The following HPSE2 variants were observed in gnomAD, a reference collection of about 807,000 sequenced individuals.
HPSE2 encodes the protein inactive heparanase-2.
Under a neutral mutation model 60.5 loss-of-function variants are expected in HPSE2, and 38 were observed. The ratio of observed to expected loss-of-function variants is 0.63; its 90% CI spans 0.48 to 0.82. The LOEUF is 0.82. Ranked by LOEUF, HPSE2 falls within the 40% of genes least tolerant of loss-of-function variation. The pLI is 0.00. For synonymous variants in HPSE2, 295 were observed against 293.2 expected, an observed-to-expected ratio of 1.01 and a Z score of -0.06; for missense variants, 713 against 740.4, an observed-to-expected ratio of 0.96 and a Z score of 0.43.
intron 6 of HPSE2, among the ~76,000 whole-genome samples, chr10:98,673,679 A>G (rs1463464712): frequency 6.6e-6 from 1 of 152,170 alleles, no homozygotes; most frequent in Non-Finnish European, 1.5e-5. Flanking sequence ...AGTGCATTCA[A>G]GTGGGAGCTG....
intron 9 of HPSE2, among the ~76,000 whole-genome samples, chr10:98,579,909 C>T (rs548629064): frequency 1.1e-4 from 16 of 152,302 alleles, no homozygotes; most frequent in African/African-American, 3.6e-4. Flanking sequence ...GAAAGCCTTC[C>T]TCCTGGAGTC....
At chr10:98,481,955 A>G (rs1433177302) in intron 11 of HPSE2, among the ~76,000 whole-genome samples, 1 of 152,182 alleles carries the variant, frequency 6.6e-6, no homozygotes, top group Non-Finnish European at 1.5e-5. Context: ...CATGTTGTCA[A>G]GTCTCTAATA....
intron 3 of HPSE2, among the ~76,000 whole-genome samples, chr10:99,136,647 T>C (rs1028755335): frequency 6.6e-6 from 1 of 152,154 alleles, no homozygotes; most frequent in Admixed American, 6.5e-5. Context: ...AACCACATGA[T>C]TATCTCAATA....
intron 9 of HPSE2, among the ~76,000 whole-genome samples, chr10:98,505,439 T>C (rs886125433): frequency 6.6e-6 from 1 of 152,190 alleles, no homozygotes; most frequent in Non-Finnish European, 1.5e-5. Flanking sequence ...TATGACACTT[T>C]ACAGGATAAT....
Position 98,622,406 on chromosome 10 carries a change from T to C in HPSE2, c.1099-1698A>G, listed in dbSNP as rs72831948. Among the ~76,000 whole-genome samples, 1,057 of 152,300 alleles carry C rather than the reference T, an allele frequency of 6.9e-3. 8 individuals carry two copies. The highest frequency in any genetic ancestry group is 0.027 in the South Asian group (131 of 4,824). ...AAGACCTTTCATGAACTGATGATAA[T>C]AGTTTGCTGTTAGTTTAGGAGTATT... On this transcript the variant is annotated intron_variant, in intron 7 of 11. Transcript: ENST00000370552.
At chr10:99,081,436 T>A (rs1002569091) in intron 3 of HPSE2, among the ~76,000 whole-genome samples, 1 of 152,144 alleles carries the variant, frequency 6.6e-6, no homozygotes, top group African/African-American at 2.4e-5. Flanking sequence ...AGGTGCCTCA[T>A]CTGCAAAACA....
chr10:99,057,506 C>G (rs761260814), intron 3 of HPSE2, among the ~76,000 whole-genome samples: 3 of 152,248 alleles, frequency 2.0e-5, no homozygotes, highest in Non-Finnish European at 2.9e-5. Context: ...CCTTAACCAC[C>G]GCCCAACAAT....
At chr10:99,016,286 G>A (rs558098229) in intron 3 of HPSE2, among the ~76,000 whole-genome samples, 28 of 152,146 alleles carry the variant, frequency 1.8e-4, no homozygotes, top group Non-Finnish European at 3.5e-4. Context: ...TTATTGAATA[G>A]GGAATCCTTT....
intron 3 of HPSE2, among the ~76,000 whole-genome samples, chr10:98,913,312 TC>T (rs1424862960): frequency 6.6e-6 from 1 of 152,202 alleles, no homozygotes. Context: ...ATGATTAAAG[TC>T]ACTGTTCCTG....
chr10:98,889,244 C>T (rs1953262630), intron 3 of HPSE2, among the ~76,000 whole-genome samples: 2 of 151,894 alleles, frequency 1.3e-5, no homozygotes, highest in Admixed American at 1.3e-4. Flanking sequence ...ATTCTGTCAC[C>T]CAGGTTGGGC....
At chr10:99,125,682 A>T (rs992669606) in intron 3 of HPSE2, among the ~76,000 whole-genome samples, 4 of 152,244 alleles carry the variant, frequency 2.6e-5, no homozygotes, top group African/African-American at 9.6e-5. Context: ...CTCTGAACAC[A>T]CATCCCCAAT....
chr10:98,569,245 G>A lies in HPSE2; in HGVS notation c.1320+45659C>T, dbSNP rs185496010. ...CGCCCAGCTAATTTTTTTGTATTTT[G>A]AGATGGGGTTTCACCATGTTGGTCA... On this transcript the variant is annotated intron_variant, in intron 9 of 11. Coordinates refer to ENST00000370552, the MANE Select transcript of HPSE2 (RefSeq NM_021828.5). 2.9e-3 allele frequency among the ~76,000 whole-genome samples: 446 copies of A among 151,826 alleles called. 3 individuals carry two copies. Among genetic ancestry groups the A allele is most frequent in the African/African-American group, 0.01 (429 of 41,418 alleles).
At chr10:99,106,916 G>A (rs2135667050) in intron 3 of HPSE2, among the ~76,000 whole-genome samples, 1 of 152,252 alleles carries the variant, frequency 6.6e-6, no homozygotes, top group African/African-American at 2.4e-5. Context: ...TATCACCCAG[G>A]CTGGAGTGCA....
intron 3 of HPSE2, among the ~76,000 whole-genome samples, chr10:99,059,889 G>T (rs1374849444): frequency 2.6e-5 from 4 of 151,936 alleles, no homozygotes; most frequent in African/African-American, 7.2e-5. Context: ...ACATACAAAA[G>T]AGTAATATAA....
intron 2 of HPSE2, among the ~76,000 whole-genome samples, chr10:99,151,741 C>G (rs930431895): frequency 5.3e-5 from 8 of 151,908 alleles, no homozygotes; most frequent in African/African-American, 1.9e-4. Flanking sequence ...AAGACTCTGT[C>G]TCTTAAAAAA....
intron 8 of HPSE2, among the ~76,000 whole-genome samples, 191 bp from the exon 9 acceptor site, chr10:98,615,209 C>T (rs1378455823): frequency 6.6e-6 from 1 of 152,120 alleles, no homozygotes; most frequent in South Asian, 2.1e-4. Context: ...TCAAATCCAA[C>T]CTCTTCATTT....
intron 3 of HPSE2, among the ~76,000 whole-genome samples, chr10:99,051,641 A>C (rs1384677227): frequency 6.6e-6 from 1 of 152,216 alleles, no homozygotes; most frequent in Non-Finnish European, 1.5e-5. Flanking sequence ...GAGACTCCAA[A>C]AAGTCTGGTA....
chr10:98,676,633 G>T (rs879462328), intron 6 of HPSE2, among the ~76,000 whole-genome samples: 4 of 152,146 alleles, frequency 2.6e-5, no homozygotes, highest in Non-Finnish European at 5.9e-5. Flanking sequence ...GAGATATTTG[G>T]CAGGGAGTGT....
intron 3 of HPSE2, among the ~76,000 whole-genome samples, chr10:98,797,140 T>G (rs1269702200): frequency 3.3e-5 from 5 of 152,158 alleles, no homozygotes; most frequent in Non-Finnish European, 7.4e-5. Context: ...CCAAATGAAC[T>G]AAATGAGGCA....
Sources: gnomAD v4.1 joint callset for allele counts (sites outside exome capture counted in the v4.1 genomes callset) on GRCh38, gnomAD v4.1.1 for gene constraint, MANE v1.5 for transcripts, NCBI Gene and HGNC (gene_info 2026-07-23, HGNC 2026-07-21) for gene names.